MACROD2: variants seen among roughly 807,000 people sequenced by gnomAD.
The protein encoded by MACROD2 is mono-ADP ribosylhydrolase 2.
Under a neutral mutation model 70.4 loss-of-function variants are expected in MACROD2, and 36 were observed. That is an observed-to-expected ratio of 0.51 (90% CI 0.39 to 0.68). MACROD2 has a LOEUF of 0.68. MACROD2 is among the 30% of genes least tolerant of loss of function. MACROD2 has a pLI of 0.00. For missense variants in MACROD2, 496 were observed against 538.4 expected, an observed-to-expected ratio of 0.92 and a Z score of 0.78; for synonymous variants, 172 against 178.8, an observed-to-expected ratio of 0.96 and a Z score of 0.30.
At chr20:14,418,385 G>A (rs2083834621) in intron 3 of MACROD2, among the ~76,000 whole-genome samples, 1 of 152,156 alleles carries the variant, frequency 6.6e-6, no homozygotes, top group African/African-American at 2.4e-5. Context: ...GATTTGAAGT[G>A]AGAACGGGCC....
intron 5 of MACROD2, among the ~76,000 whole-genome samples, chr20:15,128,517 A>G (rs1424612365): frequency 6.6e-6 from 1 of 152,106 alleles, no homozygotes; most frequent in Non-Finnish European, 1.5e-5. Flanking sequence ...TTTATGAAAT[A>G]TGAGAGAATT....
intron 3 of MACROD2, among the ~76,000 whole-genome samples, chr20:14,467,680 C>G (rs751510918): frequency 6.6e-6 from 1 of 152,040 alleles, no homozygotes; most frequent in Non-Finnish European, 1.5e-5. Context: ...CACCCCTTCT[C>G]TAGTTCTTTT....
intron 3 of MACROD2, among the ~76,000 whole-genome samples, chr20:14,216,580 G>A (rs571130307): frequency 3.6e-4 from 55 of 152,112 alleles, no homozygotes; most frequent in Admixed American, 5.9e-4. Flanking sequence ...CACTAAATTT[G>A]TAGATTGCTT....
intron 4 of MACROD2, among the ~76,000 whole-genome samples, chr20:14,601,455 C>T (rs1345420436): frequency 6.6e-6 from 1 of 152,030 alleles, no homozygotes; most frequent in East Asian, 1.9e-4. Context: ...AACCAGGGTA[C>T]TGGGGTTGGG....
chr20:15,084,700 A>G (rs1044167257), intron 5 of MACROD2, among the ~76,000 whole-genome samples: 1 of 152,148 alleles, frequency 6.6e-6, no homozygotes, highest in African/African-American at 2.4e-5. Flanking sequence ...TGTGGAAAAA[A>G]GTTATTTTTT....
At position 15,768,138 on chromosome 20, in the gene MACROD2, C is replaced by CTGTGTGTGTG. The variant is rs557053436; in HGVS notation, c.646-94595_646-94586dup. 5.4e-3 allele frequency among the ~76,000 whole-genome samples: 804 copies of CTGTGTGTGTG among 148,638 alleles called. 9 individuals carry two copies. The highest frequency in any genetic ancestry group is 0.018 in the African/African-American group (722 of 40,878). Reference sequence around the variant, plus strand: ...TGTGTGTGTGTTTGTGTGTATGTGTCTGTGTGTGTGTGTGTGTGTGTAGTC... The same window carrying CTGTGTGTGTG: ...TGTGTGTGTGTTTGTGTGTATGTGTCTGTGTGTGTGTGTGTGTGTGTGTGTGTGTGTAGTC... On this transcript the variant is annotated intron_variant, in intron 8 of 17. Transcript: ENST00000684519.
rs573996629 is a variant in MACROD2 at position 14,747,358 on chromosome 20, G to C, written c.418+62399G>C. Among the ~76,000 whole-genome samples, 5 of 152,274 alleles carry C rather than the reference G, an allele frequency of 3.3e-5. No homozygotes were observed. The South Asian group carries it at 1.0e-3, about 32-fold the overall frequency. The stretch of plus-strand genomic sequence containing the variant: ...ATAGAGCTTAAGCATCAAGATAGAG[G>C]CAGAGGAGAATGAAGAGTCAAAATT... On this transcript the variant is annotated intron_variant, in intron 5 of 17. Transcript: ENST00000684519.
At chr20:14,348,278 A>AAAT (rs1555784025) in intron 3 of MACROD2, among the ~76,000 whole-genome samples, 26 of 144,000 alleles carry the variant, frequency 1.8e-4, no homozygotes, top group African/African-American at 6.3e-4. Flanking sequence ...CAAAAAAAAA[A>AAAT]AAATAAATAA....
chr20:15,431,107 A>G (rs2046358606), intron 6 of MACROD2, among the ~76,000 whole-genome samples: 1 of 152,056 alleles, frequency 6.6e-6, no homozygotes, highest in South Asian at 2.1e-4. Flanking sequence ...GTGTTTTGAT[A>G]TAATTTATTT....
chr20:14,192,962 C>T (rs2081400513), intron 3 of MACROD2, among the ~76,000 whole-genome samples: 1 of 152,204 alleles, frequency 6.6e-6, no homozygotes, highest in African/African-American at 2.4e-5. Context: ...TCCAGCTGCA[C>T]AAATAATGTC....
At chr20:14,029,116 G>A (rs2053217196) in intron 2 of MACROD2, among the ~76,000 whole-genome samples, 1 of 152,256 alleles carries the variant, frequency 6.6e-6, no homozygotes. Context: ...TCAACTGTTC[G>A]TTAAATGGAT....
chr20:15,813,220 A>G (rs1478901005), intron 8 of MACROD2, among the ~76,000 whole-genome samples: 1 of 152,180 alleles, frequency 6.6e-6, no homozygotes, highest in Non-Finnish European at 1.5e-5. Flanking sequence ...ACCATTGGAC[A>G]TTTCTAAATT....
chr20:15,044,319 G>C (rs1291994426), intron 5 of MACROD2, among the ~76,000 whole-genome samples: 1 of 152,178 alleles, frequency 6.6e-6, no homozygotes, highest in Non-Finnish European at 1.5e-5. Flanking sequence ...GTTTTAGGGA[G>C]CTCTGTGCCA....
chr20:15,251,914 C>T (rs182958280), intron 6 of MACROD2, among the ~76,000 whole-genome samples: 134 of 152,102 alleles, frequency 8.8e-4, no homozygotes, highest in Non-Finnish European at 1.3e-3. Flanking sequence ...TTCCTCAGCT[C>T]AAAGCTGAGG....
At chr20:15,255,672 T>A (rs917073018) in intron 6 of MACROD2, among the ~76,000 whole-genome samples, 1 of 152,150 alleles carries the variant, frequency 6.6e-6, no homozygotes, top group Non-Finnish European at 1.5e-5. Context: ...AAGCAAGCTC[T>A]TTCAGTTGGG....
chr20:15,528,693 A>G (rs939094797), intron 8 of MACROD2, among the ~76,000 whole-genome samples: 22 of 151,164 alleles, frequency 1.5e-4, no homozygotes, highest in Admixed American at 5.9e-4. Flanking sequence ...CAGAAATTAA[A>G]ATATCTCATT....
intron 5 of MACROD2, among the ~76,000 whole-genome samples, chr20:14,962,911 T>A (rs1024069338): frequency 5.9e-5 from 9 of 152,132 alleles, no homozygotes; most frequent in Non-Finnish European, 1.3e-4. Context: ...AAAGCTGTGT[T>A]ACCCAAATCA....
At chr20:15,960,490 G>A (rs901272837) in intron 12 of MACROD2, among the ~76,000 whole-genome samples, 4 of 152,172 alleles carry the variant, frequency 2.6e-5, no homozygotes, top group African/African-American at 4.8e-5. Context: ...AAAGCAAATC[G>A]GGGACAAGAT....
intron 3 of MACROD2, among the ~76,000 whole-genome samples, chr20:14,429,457 G>A (rs960378928): frequency 1.1e-4 from 17 of 152,300 alleles, no homozygotes; most frequent in African/African-American, 3.8e-4. Context: ...TGATCTAATG[G>A]AAAGAGATCA....
Sources: gnomAD v4.1 joint callset for allele counts (sites outside exome capture counted in the v4.1 genomes callset) on GRCh38, gnomAD v4.1.1 for gene constraint, MANE v1.5 for transcripts, NCBI Gene and HGNC (gene_info 2026-07-23, HGNC 2026-07-21) for gene names.